Variants in B3GALT2 observed in about 807,000 individuals in gnomAD.
B3GALT2 encodes the protein UDP-Gal:betaGlcNAc beta 1,3-galactosyltransferase, polypeptide 2.
In B3GALT2, 13 loss-of-function variants were observed where a neutral mutation model predicts 33.5. That is an observed-to-expected ratio of 0.39 (90% confidence interval 0.25 to 0.62). B3GALT2 has a LOEUF of 0.62. Ranked by LOEUF, B3GALT2 falls within the 20% of genes least tolerant of loss-of-function variation. B3GALT2 has a pLI of 0.53. For missense variants in B3GALT2, 418 were observed against 509.1 expected (o/e 0.82, Z 1.72); for synonymous variants, 195 against 172.7 (o/e 1.13, Z -1.01).
chr1:193,185,311 C>G (rs1209768140), intron 1 of B3GALT2, among the ~76,000 whole-genome samples: 1 of 151,926 alleles, frequency 6.6e-6, no homozygotes, highest in Non-Finnish European at 1.5e-5. Context: ...ATTGATGTCC[C>G]TTTGTTTAAA....
Position 193,180,111 on chromosome 1 carries a change from CT to C in B3GALT2, c.*182del. 1.9e-6 allele frequency: 1 copy of C among 514,780 alleles called. No individual in the cohort carries two copies. The highest frequency in any genetic ancestry group is 3.1e-6 in the Non-Finnish European group (1 of 321,152). 31.9% of individuals were successfully genotyped at this position (514,780 alleles called of 1,614,324 possible). On this transcript the variant is annotated 3_prime_UTR_variant, in exon 2 of 2. Transcript: ENST00000367434. ...TTTTAAATAGATTGTTTTGGGAAAC[CT>C]TTTTTGTTATATAATGTTATAGTTT...
At position 193,180,375 on chromosome 1, in the gene B3GALT2, A is replaced by C; in HGVS notation, c.1188T>G (p.His396Gln). Residue 396 changes from histidine (H) to glutamine (Q), a missense_variant, in exon 2 of 2, where the codon CAT (histidine) becomes CAG (glutamine). This residue lies in a region of B3GALT2 where 226 missense variants were observed against 293.9 expected (regional missense o/e 0.77). Transcript: ENST00000367434. Reference protein sequence around the residue: ...QPSELIKYWNHLQQNKHNACA... With the variant: ...QPSELIKYWNQLQQNKHNACA... The stretch of plus-strand genomic sequence containing the variant: ...AGGCATTGTGCTTATTTTGTTGTAA[A>C]TGGTTCCAGTATTTTATCAGTTCAC... 2 of 1,613,210 alleles carry C rather than the reference A, an allele frequency of 1.2e-6. No homozygotes were observed. Among genetic ancestry groups the C allele is most frequent in the Non-Finnish European group, 1.7e-6 (2 of 1,179,446 alleles).
rs1379540753 is a variant in B3GALT2 at position 193,179,586 on chromosome 1, A to G, written c.*708T>C. On this transcript the variant is annotated 3_prime_UTR_variant, in exon 2 of 2. Transcript: ENST00000367434. ...AAAACTTGTCTATTTTGAAACATTTAATAACTATAAAAACTTGAGCCTGAG... is the reference window on the plus strand; with the variant it reads ...AAAACTTGTCTATTTTGAAACATTTGATAACTATAAAAACTTGAGCCTGAG... The G allele has an allele frequency of 6.6e-6, 1 of 152,632 alleles. No homozygotes were observed. The highest frequency in any genetic ancestry group is 1.5e-5 in the Non-Finnish European group (1 of 68,034). 9.5% of individuals were successfully genotyped at this position (152,632 alleles called of 1,614,324 possible).
intron 1 of B3GALT2, among the ~76,000 whole-genome samples, 182 bp from the exon 2 acceptor site, chr1:193,181,864 A>G (rs943333463): frequency 6.6e-6 from 1 of 152,144 alleles, no homozygotes; most frequent in Non-Finnish European, 1.5e-5. Flanking sequence ...TTAAAAATAT[A>G]CCTTTGTAGC....
intron 1 of B3GALT2, among the ~76,000 whole-genome samples, chr1:193,185,347 C>T (rs180933378): frequency 2.0e-5 from 3 of 152,122 alleles, no homozygotes; most frequent in Admixed American, 2.0e-4. Context: ...ACTATAATAA[C>T]ACGAGGCTCT....
In B3GALT2 at chr1:193,186,490, C is replaced by T. The variant is rs934600464; in HGVS notation, c.-592G>A. 1 of 152,588 alleles carries T rather than the reference C, an allele frequency of 6.6e-6. No individual in the cohort carries two copies. The highest frequency in any genetic ancestry group is 2.4e-5 in the African/African-American group (1 of 41,426). The allele number at this position is 152,588 out of a possible 1,614,324, so 9.5% of individuals were successfully genotyped here. ...TATTGGAAAAGAATAGGATTTACCT[C>T]TCTTCTTTCGTTGTTGCCTGGCAGC... On this transcript the variant is annotated 5_prime_UTR_variant, in exon 1 of 2. Coordinates refer to ENST00000367434, the MANE Select transcript of B3GALT2 (RefSeq NM_003783.3).
Position 193,180,662 on chromosome 1 carries a change from C to A in B3GALT2, c.901G>T (p.Asp301Tyr). 6.2e-7 allele frequency: 1 copy of A among 1,614,080 alleles called. No homozygotes were observed. The highest frequency in any genetic ancestry group is 1.1e-5 in the South Asian group (1 of 91,074). Residue 301 changes from aspartate (D) to tyrosine (Y), a missense_variant, in exon 2 of 2, where the codon GAC becomes TAC. Physicochemically the swap from Asp to Tyr is radical, Grantham distance 160. Transcript: ENST00000367434. ...NKDSKWYMPP[D>Y]LYPSERYPVF... The stretch of plus-strand genomic sequence containing the variant: ...GGATAACGCTCACTTGGGTAGAGGT[C>A]TGGTGGCATGTACCACTTGCTATCT...
In B3GALT2 at chr1:193,181,100, G is replaced by A. The variant is rs1304972935; in HGVS notation, c.463C>T (p.Leu155=). ...TGTCCAGGCTCTGCAGCTATTAGTA[G>A]TATTAAAAAAGGACTTTTCTCTTGG... The part of the protein sequence containing the change: ...KCQEKSPFLI[L]LIAAEPGQIE... Residue 155 remains leucine, a synonymous_variant, in exon 2 of 2, where the codon CTA becomes TTA. Transcript: ENST00000367434. 5.0e-6 allele frequency: 8 copies of A among 1,613,864 alleles called. No homozygotes were observed. The highest frequency in any genetic ancestry group is 5.9e-6 in the Non-Finnish European group (7 of 1,179,938).
rs1450358385 is a variant in B3GALT2 at position 193,179,308 on chromosome 1, G to A, written c.*986C>T. 11 of 152,184 alleles carry A rather than the reference G, an allele frequency of 7.2e-5. No individual in the cohort carries two copies. The highest frequency in any genetic ancestry group is 1.0e-4 in the Non-Finnish European group (7 of 68,032). 9.4% of individuals were successfully genotyped at this position (152,184 alleles called of 1,614,324 possible). A position where few individuals can be genotyped will look rare whatever the true frequency, so the allele number is the denominator to read the frequency against. ...CCTGCTGTCAGGAAATAAACTTCCCGTATGTTGCATTTTGGCAGACATGCA... is the reference window on the plus strand; with the variant it reads ...CCTGCTGTCAGGAAATAAACTTCCCATATGTTGCATTTTGGCAGACATGCA... On this transcript the variant is annotated 3_prime_UTR_variant, in exon 2 of 2. Coordinates refer to ENST00000367434, the MANE Select transcript of B3GALT2 (RefSeq NM_003783.3).
chr1:193,181,602 C>T lies in B3GALT2; in HGVS notation c.-40G>A. 1 of 1,507,404 alleles carries T rather than the reference C, an allele frequency of 6.6e-7. No individual in the cohort carries two copies. The highest frequency in any genetic ancestry group is 8.9e-7 in the Non-Finnish European group (1 of 1,124,478). The allele number at this position is 1,507,404 out of a possible 1,614,324, so 93.4% of individuals were successfully genotyped here. On this transcript the variant is annotated 5_prime_UTR_variant, in exon 2 of 2. Transcript: ENST00000367434. ...GTAGTGGTATATGAGAGATTGGTGA[C>T]CAAAAATGTTTTCTTCTCCTTAATA...
chr1:193,181,621 C>T lies in B3GALT2; in HGVS notation c.-59G>A, dbSNP rs1676718426. On this transcript the variant is annotated 5_prime_UTR_variant, in exon 2 of 2. Coordinates refer to ENST00000367434, the MANE Select transcript of B3GALT2 (RefSeq NM_003783.3). ...TGGTGACCAAAAATGTTTTCTTCTC[C>T]TTAATACTATTCTTTGGCAATCATT... is the stretch of plus-strand genomic sequence containing the variant. 7.2e-7 allele frequency: 1 copy of T among 1,392,388 alleles called. No homozygotes were observed. Among genetic ancestry groups the T allele is most frequent in the African/African-American group, 1.4e-5 (1 of 69,136 alleles). 86.3% of individuals were successfully genotyped at this position (1,392,388 alleles called of 1,614,324 possible). A position where few individuals can be genotyped will look rare whatever the true frequency, so the allele number is the denominator to read the frequency against.
chr1:193,182,169 C>T (rs1025733470), intron 1 of B3GALT2, among the ~76,000 whole-genome samples: 1 of 152,066 alleles, frequency 6.6e-6, no homozygotes, highest in Non-Finnish European at 1.5e-5. Context: ...TTGATTATGG[C>T]AGAGTTCTGT....
chr1:193,185,552 A>T (rs1676792350), intron 1 of B3GALT2, among the ~76,000 whole-genome samples: 2 of 152,052 alleles, frequency 1.3e-5, no homozygotes, highest in Admixed American at 1.3e-4. Context: ...GTTTTGTTTT[A>T]AAAGGACTTT....
rs1371707610 is a variant in B3GALT2, at chr1:193,180,833, G to A, written c.730C>T (p.His244Tyr). The A allele has an allele frequency of 6.2e-7, 1 of 1,614,050 alleles. No individual in the cohort carries two copies. ...TCAGTTTTCATAACATATGGAATAT[G>A]TGGACAGTATGTTGCAACCCAGTTC... ...GMNWVATYCPHIPYVMKTDSD... is the reference protein window; with the variant it reads ...GMNWVATYCPYIPYVMKTDSD... Residue 244 changes from histidine to tyrosine, a missense_variant, in exon 2 of 2, where the codon CAT becomes TAT. Around this residue, in one of 3 missense-constraint regions of B3GALT2, gnomAD observed 226 missense variants for 293.9 expected, o/e 0.77. Transcript: ENST00000367434.
chr1:193,180,898 T>C lies in B3GALT2; in HGVS notation c.665A>G (p.Asp222Gly). Residue 222 changes from aspartate (D) to glycine (G), a missense_variant, in exon 2 of 2, where the codon GAT becomes GGT. Transcript: ENST00000367434. ...TTTAATGGTCAAATTATAGTACGTA[T>C]CTAAGTATTCCTGTTGAATTATATC... The part of the protein sequence containing the change: ...YHDIIQQEYL[D>G]TYYNLTIKTL... 5.6e-6 allele frequency: 9 copies of C among 1,613,876 alleles called. No homozygotes were observed. Among genetic ancestry groups the C allele is most frequent in the Non-Finnish European group, 7.6e-6 (9 of 1,179,960 alleles).
Position 193,181,394 on chromosome 1 carries a change from C to T in B3GALT2, c.169G>A (p.Glu57Lys). 1 of 1,614,002 alleles carries T rather than the reference C, an allele frequency of 6.2e-7. No individual in the cohort carries two copies. Among genetic ancestry groups the T allele is most frequent in the East Asian group, 2.2e-5 (1 of 44,882 alleles). The change falls in exon 2 of 2, where the codon GAA becomes AAA. Residue 57 changes from glutamate (E) to lysine (K), a missense_variant. By Grantham distance (56) the Glu-to-Lys change is moderately conservative (BLOSUM62 1). Around this residue, in one of 3 missense-constraint regions of B3GALT2, gnomAD observed 188 missense variants for 197.5 expected, o/e 0.95. Transcript: ENST00000367434. ...CGGAAAGTGTATGTCACAGGGTTTTCTTTGAATCCAGCTCTGCCTGGCAGC... is the reference window on the plus strand; with the variant it reads ...CGGAAAGTGTATGTCACAGGGTTTTTTTTGAATCCAGCTCTGCCTGGCAGC... The part of the protein sequence containing the change: ...DWLPGRAGFK[E>K]NPVTYTFRGF...
intron 1 of B3GALT2, among the ~76,000 whole-genome samples, chr1:193,182,687 A>G (rs985869918): frequency 5.9e-5 from 9 of 152,142 alleles, no homozygotes; most frequent in Non-Finnish European, 8.8e-5. Flanking sequence ...GGCATATATT[A>G]AGAACTGGTT....
At chr1:193,182,205 T>C (rs1340196360) in intron 1 of B3GALT2, among the ~76,000 whole-genome samples, 2 of 152,150 alleles carry the variant, frequency 1.3e-5, no homozygotes, top group Non-Finnish European at 2.9e-5. Context: ...GCTTGGCATG[T>C]TTCCATTGGC....
chr1:193,183,684 C>T (rs1198062792), intron 1 of B3GALT2, among the ~76,000 whole-genome samples: 2 of 151,512 alleles, frequency 1.3e-5, no homozygotes, highest in Non-Finnish European at 3.0e-5. Flanking sequence ...CTCTCCGCTC[C>T]ACTTCATAAG....
Sources: allele counts gnomAD v4.1 joint callset (sites outside exome capture counted in the v4.1 genomes callset), GRCh38; gene constraint gnomAD v4.1.1; regional missense constraint gnomAD v4.1.1; transcripts MANE v1.5; gene names NCBI Gene and HGNC (gene_info 2026-07-23, HGNC 2026-07-21).